The following PDE10A variants were observed in gnomAD, a reference collection of about 807,000 sequenced individuals.
PDE10A encodes phosphodiesterase 10A, also known as cAMP and cAMP-inhibited cGMP 3',5'-cyclic phosphodiesterase 10A.
In PDE10A, 39 loss-of-function variants were observed where a neutral mutation model predicts 97.7. The observed-to-expected ratio is 0.40, with a 90% CI of 0.31 to 0.52. The LOEUF (loss-of-function observed/expected upper bound fraction) is 0.52. PDE10A is among the 20% of genes least tolerant of loss of function. PDE10A has a pLI of 0.56. For missense variants in PDE10A, 731 were observed against 1,047.8 expected, an observed-to-expected ratio of 0.70 and a Z score of 4.17; for synonymous variants, 371 against 376.8, an observed-to-expected ratio of 0.98 and a Z score of 0.18.
rs756399658 is a variant in PDE10A, at chr6:165,758,510, A to AAG, written c.-614-214943_-614-214942insCT. ...GGAGAAAGAAGAAAGAAGAAAGAAG[A>AAG]AAGAAGAAGAAGAAGAAGAAGAGGA... is the stretch of plus-strand genomic sequence containing the variant. On this transcript the variant is annotated intron_variant, in intron 1 of 19. Transcript: ENST00000366882. Among the ~76,000 whole-genome samples the AAG allele has an allele frequency of 1.8e-3, 74 of 41,570 alleles. 1 individual carries two copies. Among genetic ancestry groups the AAG allele is most frequent in the Middle Eastern group, 0.019 (1 of 54 alleles). The allele number at this position is 41,570 out of a possible 152,430, so 27.3% of individuals were successfully genotyped here. A position where few individuals can be genotyped will look rare whatever the true frequency, so the allele number is the denominator to read the frequency against.
Position 165,481,819 on chromosome 6 carries a change from A to T in PDE10A, c.1023+496T>A, listed in dbSNP as rs538319506. ...TATCTTGCTTTCAACACGAGTTGTCATCTTTTGTTCTCCCAAAAAGAAAGT... is the reference window on the plus strand; with the variant it reads ...TATCTTGCTTTCAACACGAGTTGTCTTCTTTTGTTCTCCCAAAAAGAAAGT... On this transcript the variant is annotated intron_variant, in intron 3 of 21. Transcript: ENST00000539869. Among the ~76,000 whole-genome samples, 94 of 152,328 alleles carry T rather than the reference A, an allele frequency of 6.2e-4. 1 individual carries two copies. Among genetic ancestry groups the T allele is most frequent in the African/African-American group, 2.2e-3 (91 of 41,568 alleles).
chr6:165,822,169 C>T (rs532792350), intron 1 of PDE10A, among the ~76,000 whole-genome samples: 81 of 152,268 alleles, frequency 5.3e-4, no homozygotes, highest in African/African-American at 1.7e-3. Context: ...TATCCTTGTG[C>T]GAACATAACA....
At chr6:165,745,409 C>G (rs1051683824) in intron 1 of PDE10A, among the ~76,000 whole-genome samples, 2 of 152,048 alleles carry the variant, frequency 1.3e-5, no homozygotes, top group Non-Finnish European at 2.9e-5. Context: ...CTTAATAAGC[C>G]CTTAAACAGC....
intron 1 of PDE10A, among the ~76,000 whole-genome samples, chr6:165,735,245 A>G (rs1251717698): frequency 2.0e-5 from 3 of 151,850 alleles, no homozygotes; most frequent in Non-Finnish European, 4.4e-5. Context: ...GTGGGTGGGT[A>G]GGTAGGTAGG....
chr6:165,820,912 C>T (rs1437249578), intron 1 of PDE10A, among the ~76,000 whole-genome samples: 1 of 152,208 alleles, frequency 6.6e-6, no homozygotes. Flanking sequence ...ATAGTAAGTG[C>T]TCAATAAATA....
chr6:165,447,793 C>T (rs1445772739), intron 5 of PDE10A, among the ~76,000 whole-genome samples: 1 of 152,042 alleles, frequency 6.6e-6, no homozygotes, highest in African/African-American at 2.4e-5. Flanking sequence ...ATGAAAGGCA[C>T]TAGGAGAGGG....
At chr6:165,694,607 G>T (rs1333765243) in intron 1 of PDE10A, among the ~76,000 whole-genome samples, 1 of 152,246 alleles carries the variant, frequency 6.6e-6, no homozygotes, top group African/African-American at 2.4e-5. Flanking sequence ...GAGCTGAGCT[G>T]CTTACCACAG....
intron 1 of PDE10A, among the ~76,000 whole-genome samples, chr6:165,574,218 T>C (rs1785193121): frequency 6.6e-6 from 1 of 151,938 alleles, no homozygotes; most frequent in South Asian, 2.1e-4. Flanking sequence ...CAAATAAATG[T>C]CAAAGTTGTA....
intron 1 of PDE10A, among the ~76,000 whole-genome samples, chr6:165,699,319 C>T (rs549258535): frequency 9.3e-4 from 142 of 152,198 alleles, no homozygotes; most frequent in African/African-American, 3.3e-3. Context: ...ATGCATTTAA[C>T]AACAGAGCAC....
At chr6:165,390,049 A>G (rs1045150544) in intron 16 of PDE10A, among the ~76,000 whole-genome samples, 1 of 152,240 alleles carries the variant, frequency 6.6e-6, no homozygotes, top group Non-Finnish European at 1.5e-5. Context: ...TGTGTTAGTA[A>G]CAATCACAAT....
intron 1 of PDE10A, among the ~76,000 whole-genome samples, chr6:165,912,033 A>T (rs1455123405): frequency 6.7e-6 from 1 of 150,304 alleles, no homozygotes; most frequent in Admixed American, 6.6e-5. Flanking sequence ...CTCTCTTTTC[A>T]CCTATCTATC....
intron 18 of PDE10A, among the ~76,000 whole-genome samples, chr6:165,351,264 G>A (rs1270370746): frequency 1.3e-5 from 2 of 152,110 alleles, no homozygotes; most frequent in Non-Finnish European, 2.9e-5. Flanking sequence ...ATGTCAATAT[G>A]AGTAAATGGC....
intron 1 of PDE10A, among the ~76,000 whole-genome samples, chr6:165,581,548 C>A (rs1785618341): frequency 6.6e-6 from 1 of 152,218 alleles, no homozygotes; most frequent in African/African-American, 2.4e-5. Flanking sequence ...ACTTCCCAGC[C>A]CCCAGAACTG....
intron 18 of PDE10A, among the ~76,000 whole-genome samples, chr6:165,360,927 C>A (rs891365026): frequency 2.0e-5 from 3 of 152,118 alleles, no homozygotes; most frequent in African/African-American, 7.2e-5. Flanking sequence ...AGGCTTAATA[C>A]TGGGGGGTTC....
At chr6:165,799,962 C>T (rs1037943015) in intron 1 of PDE10A, among the ~76,000 whole-genome samples, 5 of 152,254 alleles carry the variant, frequency 3.3e-5, no homozygotes, top group African/African-American at 1.2e-4. Flanking sequence ...GTCTGTCAGG[C>T]AATTCCTGTT....
chr6:165,584,194 A>G (rs1785774328), intron 1 of PDE10A, among the ~76,000 whole-genome samples: 1 of 152,184 alleles, frequency 6.6e-6, no homozygotes, highest in Non-Finnish European at 1.5e-5. Context: ...TGACCCCACC[A>G]CACAACATGC....
chr6:165,342,008 T>G (rs545621871), intron 19 of PDE10A, among the ~76,000 whole-genome samples: 1 of 152,198 alleles, frequency 6.6e-6, no homozygotes, highest in African/African-American at 2.4e-5. Context: ...TGGTTAACTT[T>G]ACGCAGTTAC....
At chr6:165,643,354 T>C (rs925680315) in intron 1 of PDE10A, among the ~76,000 whole-genome samples, 1 of 152,238 alleles carries the variant, frequency 6.6e-6, no homozygotes, top group East Asian at 1.9e-4. Context: ...ATGGGTTTGC[T>C]GACTTAGTGA....
intron 1 of PDE10A, among the ~76,000 whole-genome samples, chr6:165,707,014 ATACAAAAAT>A (rs1205379409): frequency 2.6e-5 from 4 of 152,252 alleles, no homozygotes; most frequent in African/African-American, 9.6e-5. Context: ...GAATGCTAGC[ATACAAAAAT>A]TATAATCCAA....
Sources: allele counts gnomAD v4.1 joint callset (sites outside exome capture counted in the v4.1 genomes callset), GRCh38; gene constraint gnomAD v4.1.1; transcripts MANE v1.5; gene names NCBI Gene and HGNC (gene_info 2026-07-23, HGNC 2026-07-21).